CTNNA3: variants seen among roughly 807,000 people sequenced by gnomAD.
CTNNA3 encodes catenin alpha 3.
A neutral mutation model predicts 95.7 loss-of-function variants in CTNNA3; 76 were observed. The observed-to-expected ratio is 0.79, with a 90% CI of 0.66 to 0.96. The LOEUF is 0.96. CTNNA3 is among the 40% of genes least tolerant of loss of function. The pLI, the probability that CTNNA3 is intolerant of heterozygous loss-of-function variation, is 0.00. For synonymous variants in CTNNA3, 431 were observed against 374.4 expected (o/e 1.15, Z -1.74); for missense variants, 1,191 against 1,089.8 (o/e 1.09, Z -1.31).
chr10:67,351,659 A>G (rs910021378), intron 5 of CTNNA3, among the ~76,000 whole-genome samples: 1 of 151,996 alleles, frequency 6.6e-6, no homozygotes, highest in Admixed American at 6.6e-5. Context: ...AGCAGAGTAA[A>G]TTAATGCAAA....
chr10:67,316,896 A>G (rs1841077771), intron 5 of CTNNA3, among the ~76,000 whole-genome samples: 1 of 152,212 alleles, frequency 6.6e-6, no homozygotes, highest in South Asian at 2.1e-4. Flanking sequence ...AATTTATTCT[A>G]AAGGGTTTCT....
At chr10:66,517,447 A>C (rs542139914) in intron 11 of CTNNA3, among the ~76,000 whole-genome samples, 1 of 152,186 alleles carries the variant, frequency 6.6e-6, no homozygotes, top group Admixed American at 6.5e-5. Context: ...GAAGCCGGCT[A>C]AATCCTACCA....
intron 6 of CTNNA3, among the ~76,000 whole-genome samples, chr10:67,193,773 C>T (rs936079004): frequency 1.3e-4 from 19 of 147,530 alleles, no homozygotes; most frequent in Non-Finnish European, 5.9e-5. Context: ...TATGTCTTTG[C>T]TATTGTGAAT....
At chr10:67,683,035 G>A (rs1481642843) in intron 1 of CTNNA3, among the ~76,000 whole-genome samples, 1 of 152,098 alleles carries the variant, frequency 6.6e-6, no homozygotes, top group Admixed American at 6.6e-5. Context: ...CCAAATTAGG[G>A]TTCTGTCAAT....
chr10:66,375,187 ATTAAC>A (rs1468619893), intron 12 of CTNNA3, among the ~76,000 whole-genome samples: 1 of 152,064 alleles, frequency 6.6e-6, no homozygotes, highest in African/African-American at 2.4e-5. Context: ...TTGTGGAAGT[ATTAAC>A]TTAAGTGTTG....
chr10:66,053,345 T>C (rs549298596), intron 15 of CTNNA3, among the ~76,000 whole-genome samples: 1 of 152,204 alleles, frequency 6.6e-6, no homozygotes, highest in Non-Finnish European at 1.5e-5. Context: ...TTTAATTTTA[T>C]TTTTTAAACT....
At chr10:66,674,731 G>A (rs1022127548) in intron 9 of CTNNA3, among the ~76,000 whole-genome samples, 5 of 151,946 alleles carry the variant, frequency 3.3e-5, no homozygotes, top group Admixed American at 1.3e-4. Context: ...CTGTTCATAT[G>A]TATGCGTTCA....
intron 5 of CTNNA3, among the ~76,000 whole-genome samples, chr10:67,464,491 G>T (rs1847505976): frequency 6.6e-6 from 1 of 152,076 alleles, no homozygotes. Flanking sequence ...TGCTGCTGAT[G>T]TCATTTTATT....
chr10:67,088,972 T>C (rs1857465946), intron 7 of CTNNA3, among the ~76,000 whole-genome samples: 1 of 152,034 alleles, frequency 6.6e-6, no homozygotes, highest in African/African-American at 2.4e-5. Context: ...AACAATACAG[T>C]ATAATGACTA....
chr10:66,588,386 T>G (rs1245149687), intron 10 of CTNNA3, among the ~76,000 whole-genome samples: 1 of 152,198 alleles, frequency 6.6e-6, no homozygotes, highest in Non-Finnish European at 1.5e-5. Flanking sequence ...AAGTGCACAT[T>G]GTGAATCTCT....
chr10:67,041,465 C>T (rs1316181058), intron 7 of CTNNA3, among the ~76,000 whole-genome samples: 3 of 152,132 alleles, frequency 2.0e-5, no homozygotes, highest in Non-Finnish European at 2.9e-5. Flanking sequence ...GAAAGGTAAT[C>T]ACCATCAATT....
chr10:66,661,913 G>A (rs1251514752), intron 9 of CTNNA3, among the ~76,000 whole-genome samples: 1 of 152,088 alleles, frequency 6.6e-6, no homozygotes, highest in Non-Finnish European at 1.5e-5. Flanking sequence ...ACGTATGGTG[G>A]AATTACAATT....
At chr10:67,227,337 C>T (rs747855972) in intron 5 of CTNNA3, among the ~76,000 whole-genome samples, 27 of 152,060 alleles carry the variant, frequency 1.8e-4, no homozygotes, top group East Asian at 1.2e-3. Flanking sequence ...GTGATCTGCC[C>T]GCCTTGGCCT....
rs190007602 is a variant in CTNNA3 at position 67,511,544 on chromosome 10, C to T, written c.579+10298G>A. ...CCAGCCTTGCATCCCAGGGATGAAG[C>T]CTACTTGATTGTGGTGGCCAAGCTT... On this transcript the variant is annotated intron_variant, in intron 5 of 17. Transcript: ENST00000433211. Among the ~76,000 whole-genome samples, 187 of 152,272 alleles carry T rather than the reference C, an allele frequency of 1.2e-3. 1 individual carries two copies. The highest frequency in any genetic ancestry group is 4.3e-3 in the African/African-American group (177 of 41,572).
At chr10:67,180,965 C>T (rs1862510669) in intron 6 of CTNNA3, among the ~76,000 whole-genome samples, 1 of 152,114 alleles carries the variant, frequency 6.6e-6, no homozygotes, top group African/African-American at 2.4e-5. Context: ...GTATCTCATC[C>T]TGACAGCACC....
At chr10:67,590,299 T>C (rs962392888) in intron 3 of CTNNA3, among the ~76,000 whole-genome samples, 6 of 152,128 alleles carry the variant, frequency 3.9e-5, no homozygotes, top group African/African-American at 1.4e-4. Context: ...TTTTCTGCTT[T>C]TTAAAATTAC....
chr10:67,693,308 C>T (rs1228975772), intron 1 of CTNNA3, among the ~76,000 whole-genome samples: 2 of 152,192 alleles, frequency 1.3e-5, no homozygotes, highest in East Asian at 1.9e-4. Flanking sequence ...TTCCACCCCG[C>T]TGTACCATCT....
At chr10:66,937,554 G>A (rs1163154019) in intron 7 of CTNNA3, among the ~76,000 whole-genome samples, 1 of 151,966 alleles carries the variant, frequency 6.6e-6, no homozygotes, top group Non-Finnish European at 1.5e-5. Flanking sequence ...TGGACTTTCC[G>A]GAAATAGAAT....
At chr10:66,107,954 G>A (rs552747260) in intron 13 of CTNNA3, among the ~76,000 whole-genome samples, 1 of 151,916 alleles carries the variant, frequency 6.6e-6, no homozygotes, top group African/African-American at 2.4e-5. Context: ...TAATTCACTG[G>A]CTAGCTTTCA....
Sources: gnomAD v4.1 joint callset for allele counts (sites outside exome capture counted in the v4.1 genomes callset) on GRCh38, gnomAD v4.1.1 for gene constraint, MANE v1.5 for transcripts, NCBI Gene and HGNC (gene_info 2026-07-23, HGNC 2026-07-21) for gene names.